Variants in HDAC7 observed in about 807,000 individuals in gnomAD.
The protein encoded by HDAC7 is histone deacetylase 7A.
In HDAC7, 26 loss-of-function variants were observed where a neutral mutation model predicts 115.5. The observed-to-expected ratio is 0.23, with a 90% CI of 0.16 to 0.31. The LOEUF is 0.31. Among genes scored for constraint, HDAC7 ranks in the 10% least tolerant of loss-of-function variants. The pLI is 1.00. For missense variants in HDAC7, 1,068 were observed against 1,329.0 expected (o/e 0.80, Z 3.05); for synonymous variants, 564 against 550.9 (o/e 1.02, Z -0.33).
intron 1 of HDAC7, among the ~76,000 whole-genome samples, chr12:47,816,785 G>C (rs1232235608): frequency 6.6e-6 from 1 of 152,198 alleles, no homozygotes; most frequent in Non-Finnish European, 1.5e-5. Context: ...AGTGGGGATG[G>C]GTTGGGAGGA....
rs1382126255 is a variant in HDAC7 at position 47,796,096 on chromosome 12, CTG to C, written c.796-82_796-81del. 4.0e-6 allele frequency: 6 copies of C among 1,516,860 alleles called. No individual in the cohort carries two copies. The Admixed American group carries it at 1.0e-4, about 26-fold the overall frequency. 94.0% of individuals were successfully genotyped at this position (1,516,860 alleles called of 1,614,324 possible). A position where few individuals can be genotyped will look rare whatever the true frequency, so the allele number is the denominator to read the frequency against. On this transcript the variant is annotated intron_variant, in intron 8 of 25. Coordinates refer to ENST00000080059, the MANE Select transcript of HDAC7 (RefSeq NM_015401.5). ...CCTTCCCCAGAACACCCAGGAGGCT[CTG>C]GCAGGGGCTGCCCAGACCCTGCAGC...
At position 47,794,482 on chromosome 12, in the gene HDAC7, G is replaced by A. The variant is rs146247098; in HGVS notation, c.1458+278C>T. 1.1e-3 allele frequency among the ~76,000 whole-genome samples: 171 copies of A among 152,322 alleles called. No homozygotes were observed. The Middle Eastern group carries it at 0.017, about 15-fold the overall frequency. ...GACATACCAGGGCAGGACTATGTGTGGCTCCAGGAAAGGACAGACTCCTTC... is the reference window on the plus strand; with the variant it reads ...GACATACCAGGGCAGGACTATGTGTAGCTCCAGGAAAGGACAGACTCCTTC... On this transcript the variant is annotated intron_variant, in intron 12 of 25. Coordinates refer to ENST00000080059, the MANE Select transcript of HDAC7 (RefSeq NM_015401.5).
At chr12:47,791,767 C>T in intron 14 of HDAC7, 61 bp from the exon 15 acceptor site, 1 of 1,599,086 alleles carries the variant, frequency 6.3e-7, no homozygotes, top group Non-Finnish European at 8.5e-7. Context: ...ATCACCACCA[C>T]CCCATGTGCC....
rs375345641 is a variant in HDAC7 at position 47,789,849 on chromosome 12, A to T, written c.2055T>A (p.Thr685=). 33 of 1,613,808 alleles carry T rather than the reference A, an allele frequency of 2.0e-5. No individual in the cohort carries two copies. The highest frequency in any genetic ancestry group is 3.4e-6 in the Non-Finnish European group (4 of 1,180,010). The part of the protein sequence containing the change: ...NAARWAAGSV[T]DLAFKVASRE... ...GAGAAGCCACTTTGAAGGCGAGGTC[A>T]GTGACACTGCCAGCGGCCCAGCGGG... is the stretch of plus-strand genomic sequence containing the variant. The change falls in exon 17 of 26, where the codon ACT becomes ACA. Residue 685 remains threonine (T), a synonymous_variant. Coordinates refer to ENST00000080059, the MANE Select transcript of HDAC7 (RefSeq NM_015401.5).
chr12:47,786,438 A>T, intron 22 of HDAC7, 147 bp downstream of exon 22: 1 of 632,040 alleles, frequency 1.6e-6, no homozygotes. Context: ...GGGGAATTTC[A>T]GGACCAGCTG....
rs1435984104 is a variant in HDAC7 at position 47,803,516 on chromosome 12, A to G, written c.20-1242T>C. Among the ~76,000 whole-genome samples the G allele has an allele frequency of 6.6e-6, 1 of 152,084 alleles. No individual in the cohort carries two copies. The highest frequency in any genetic ancestry group is 1.5e-5 in the Non-Finnish European group (1 of 68,002). On this transcript the variant is annotated intron_variant, in intron 1 of 25. Transcript: ENST00000080059. This position sits in a 1 kb window ranked among gnomAD's most constrained non-coding sequence, Gnocchi z 4.0. ...AAGTTCGGTCCGAAAATGCTGCTCT[A>G]CCTATTTAAATTCTGCCCATCCTCT... is the stretch of plus-strand genomic sequence containing the variant.
chr12:47,792,330 C>T, intron 13 of HDAC7: 1 of 414,486 alleles, frequency 2.4e-6, no homozygotes, highest in Non-Finnish European at 4.4e-6. Context: ...GGGCCCAGCA[C>T]CAGGCCCTCA....
intron 25 of HDAC7, 96 bp from the exon 26 acceptor site, chr12:47,783,982 G>A (rs550318578): frequency 3.7e-6 from 6 of 1,601,836 alleles, no homozygotes; most frequent in African/African-American, 1.3e-5. Flanking sequence ...AAGCCTGGGA[G>A]GGTTGGGGTG....
chr12:47,807,192 G>A (rs1187976902), intron 1 of HDAC7, among the ~76,000 whole-genome samples: 15 of 151,998 alleles, frequency 9.9e-5, no homozygotes, highest in Admixed American at 5.2e-4. Flanking sequence ...TGCCTGCCTC[G>A]GCTTCCCAAA....
intron 2 of HDAC7, 115 bp from the exon 3 acceptor site, chr12:47,799,087 C>T: frequency 1.5e-6 from 1 of 683,968 alleles, no homozygotes. Flanking sequence ...AAAACACTCT[C>T]ATGGGGGTTT....
chr12:47,796,664 T>C (rs1429595985), intron 7 of HDAC7, among the ~76,000 whole-genome samples: 2 of 152,152 alleles, frequency 1.3e-5, no homozygotes, highest in African/African-American at 2.4e-5. Flanking sequence ...CCTCAGGTGA[T>C]TGACCTGCCT....
At position 47,795,925 on chromosome 12, in the gene HDAC7, C is replaced by T. The variant is rs1341260744; in HGVS notation, c.887G>A (p.Gly296Glu). ...ACTCACCCTGGCAGGGGCGGGCAGCCCCAGAGTGATTGCGGGCAGCAAGGA... is the reference window on the plus strand; with the variant it reads ...ACTCACCCTGGCAGGGGCGGGCAGCTCCAGAGTGATTGCGGGCAGCAAGGA... ...TVSLLPAITL[G>E]LPAPARADSD... is the part of the protein sequence containing the mutation. Residue 296 changes from glycine (G) to glutamate (E), a missense_variant, in exon 9 of 26, where the codon GGG becomes GAG. Around this residue, in one of 6 missense-constraint regions of HDAC7, gnomAD observed 618 missense variants for 701.5 expected, o/e 0.88. Transcript: ENST00000080059. This position sits in a 1 kb window ranked among gnomAD's most constrained non-coding sequence, Gnocchi z 4.3. The T allele has an allele frequency of 6.4e-7, 1 of 1,550,842 alleles. No individual in the cohort carries two copies. Among genetic ancestry groups the T allele is most frequent in the Non-Finnish European group, 8.7e-7 (1 of 1,148,014 alleles).
intron 1 of HDAC7, among the ~76,000 whole-genome samples, chr12:47,816,736 C>T (rs1410816156): frequency 2.0e-5 from 3 of 152,196 alleles, no homozygotes; most frequent in African/African-American, 7.2e-5. Context: ...GCATGCTACC[C>T]ACCTCTCCCT....
In HDAC7 at chr12:47,791,724, G is replaced by C. The variant is rs758406590; in HGVS notation, c.1813-18C>G. On this transcript the variant is annotated intron_variant, in intron 14 of 25. Coordinates refer to ENST00000080059, the MANE Select transcript of HDAC7 (RefSeq NM_015401.5). ...CGGAGACACTGAAAAGGGGACCACAGAGCTCTGAGCTCATGCTCGCCCCTT... is the reference window on the plus strand; with the variant it reads ...CGGAGACACTGAAAAGGGGACCACACAGCTCTGAGCTCATGCTCGCCCCTT... 3.1e-6 allele frequency: 5 copies of C among 1,612,550 alleles called. No individual in the cohort carries two copies. The East Asian group carries it at 1.1e-4, about 36-fold the overall frequency.
At position 47,783,682 on chromosome 12, in the gene HDAC7, C is replaced by T. The variant is rs1942985274; in HGVS notation, c.*159G>A. 1 of 761,320 alleles carries T rather than the reference C, an allele frequency of 1.3e-6. No individual in the cohort carries two copies. The highest frequency in any genetic ancestry group is 2.7e-5 in the East Asian group (1 of 36,838). 47.2% of individuals were successfully genotyped at this position (761,320 alleles called of 1,614,324 possible). On this transcript the variant is annotated 3_prime_UTR_variant, in exon 26 of 26. Transcript: ENST00000080059. ...CCCATTCTAGACCCAGGGATTTTCT[C>T]ACGCTCCCTGGGATAACTGTCAAAG...
rs987884779 is a variant in HDAC7, at chr12:47,791,299, G to C, written c.1943C>G (p.Ala648Gly). 1.9e-6 allele frequency: 3 copies of C among 1,597,728 alleles called. No individual in the cohort carries two copies. The highest frequency in any genetic ancestry group is 2.6e-6 in the Non-Finnish European group (3 of 1,172,132). The change falls in exon 16 of 26, where the codon GCA becomes GGA. Residue 648 changes from alanine to glycine, a missense_variant. Physicochemically the swap from Ala to Gly is moderately conservative, Grantham distance 60 (BLOSUM62 0). Around this residue, in one of 6 missense-constraint regions of HDAC7, gnomAD observed 618 missense variants for 701.5 expected, o/e 0.88. Coordinates refer to ENST00000080059, the MANE Select transcript of HDAC7 (RefSeq NM_015401.5). ...LDNGKLAGLL[A>G]QRMFVMLPCG... ...GGGCAGCATCACAAACATCCGCTGT[G>C]CCAGGAGCCCTGCGGGGAGAGGCCC... is the stretch of plus-strand genomic sequence containing the variant.
rs73291242 is a variant in HDAC7 at position 47,803,526 on chromosome 12, A to G, written c.20-1252T>C. ...CGAAAATGCTGCTCTACCTATTTAA[A>G]TTCTGCCCATCCTCTGAGGTCCAGC... is the stretch of plus-strand genomic sequence containing the variant. On this transcript the variant is annotated intron_variant, in intron 1 of 25. Transcript: ENST00000080059. The surrounding 1 kb of genome is among the most constrained non-coding windows in gnomAD (Gnocchi z 4.0). Among the ~76,000 whole-genome samples, 308 of 152,194 alleles carry G rather than the reference A, an allele frequency of 2.0e-3. 1 individual carries two copies. Among genetic ancestry groups the G allele is most frequent in the African/African-American group, 7.0e-3 (289 of 41,510 alleles).
chr12:47,792,578 T>C (rs1592647720), intron 13 of HDAC7: 1 of 452,024 alleles, frequency 2.2e-6, no homozygotes, highest in South Asian at 1.6e-5. Context: ...TCATTGCGGG[T>C]GGGAGGGTCA....
chr12:47,801,150 T>A (rs891812712), intron 2 of HDAC7, among the ~76,000 whole-genome samples: 5 of 152,304 alleles, frequency 3.3e-5, no homozygotes, highest in African/African-American at 1.2e-4. Flanking sequence ...GCGCCTAGCA[T>A]CCCTCCCTCT....
Sources: gnomAD v4.1 joint callset for allele counts (sites outside exome capture counted in the v4.1 genomes callset) on GRCh38, gnomAD v4.1.1 for gene constraint, gnomAD v4.1.1 regional missense constraint, Gnocchi (gnomAD v3.1) non-coding constraint, MANE v1.5 for transcripts, NCBI Gene and HGNC (gene_info 2026-07-23, HGNC 2026-07-21) for gene names.